The following ARHGAP24 variants were observed in gnomAD, a reference collection of about 807,000 sequenced individuals.
ARHGAP24 encodes the protein rho GTPase-activating protein 24.
ARHGAP24 carries 50 observed loss-of-function variants against 76.4 expected under a neutral mutation model. The ratio of observed to expected loss-of-function variants is 0.65; its 90% CI spans 0.52 to 0.83. The LOEUF is 0.83. Among genes scored for constraint, ARHGAP24 ranks in the 40% least tolerant of loss-of-function variants. The probability of loss-of-function intolerance (pLI) is 0.00; values close to 1 mark genes in which losing one functional copy is unlikely to be tolerated. For synonymous variants in ARHGAP24, 345 were observed against 323.3 expected, an observed-to-expected ratio of 1.07 and a Z score of -0.72; for missense variants, 930 against 914.2, an observed-to-expected ratio of 1.02 and a Z score of -0.22.
intron 4 of ARHGAP24, among the ~76,000 whole-genome samples, chr4:85,934,940 CAT>C (rs1435042272): frequency 6.6e-6 from 1 of 152,184 alleles, no homozygotes; most frequent in Non-Finnish European, 1.5e-5. Flanking sequence ...CACACACACA[CAT>C]ATTCATTCCC....
intron 1 of ARHGAP24, among the ~76,000 whole-genome samples, chr4:85,487,853 T>A (rs540810903): frequency 5.7e-5 from 7 of 123,668 alleles, no homozygotes; most frequent in Non-Finnish European, 1.1e-4. Context: ...AATATATATT[T>A]ATTATATATA....
intron 1 of ARHGAP24, among the ~76,000 whole-genome samples, chr4:85,546,373 A>G (rs1256730132): frequency 6.6e-6 from 1 of 152,144 alleles, no homozygotes; most frequent in Non-Finnish European, 1.5e-5. Context: ...TTAAATAAAG[A>G]GAATTGAGAA....
intron 2 of ARHGAP24, among the ~76,000 whole-genome samples, chr4:85,664,197 T>C (rs1214379748): frequency 1.3e-5 from 2 of 151,672 alleles, no homozygotes; most frequent in Middle Eastern, 6.8e-3. Flanking sequence ...GAGCCTGTTA[T>C]TGGTCTATTC....
At chr4:85,513,546 A>C (rs1293687341) in intron 1 of ARHGAP24, among the ~76,000 whole-genome samples, 1 of 142,906 alleles carries the variant, frequency 7.0e-6, no homozygotes, top group African/African-American at 2.9e-5. Context: ...ACTTAGAATG[A>C]TTGCCTTTTT....
chr4:85,685,804 C>A (rs753570752), intron 2 of ARHGAP24, among the ~76,000 whole-genome samples: 6 of 152,154 alleles, frequency 3.9e-5, no homozygotes, highest in Non-Finnish European at 8.8e-5. Flanking sequence ...CAAAACTCAG[C>A]GGTTTAAAAC....
chr4:85,947,636 T>C lies in ARHGAP24; in HGVS notation c.599+5363T>C, dbSNP rs182044884. Among the ~76,000 whole-genome samples the C allele has an allele frequency of 1.9e-4, 29 of 152,320 alleles. No homozygotes were observed. In the East Asian group the frequency reaches 3.3e-3, roughly 17 times the overall value. On this transcript the variant is annotated intron_variant, in intron 5 of 9. Coordinates refer to ENST00000395184, the MANE Select transcript of ARHGAP24 (RefSeq NM_001025616.3). ...CACATGGTGAGTATGCAAACGGTCG[T>C]AGTCTTTTTAAAGCAATTTGGTAAT... is the stretch of plus-strand genomic sequence containing the variant.
chr4:85,625,174 T>G (rs560783207), intron 2 of ARHGAP24, among the ~76,000 whole-genome samples: 2 of 152,298 alleles, frequency 1.3e-5, no homozygotes, highest in East Asian at 1.9e-4. Flanking sequence ...AGGGTGTCAG[T>G]TTTAGATCTT....
chr4:85,943,870 T>C (rs1737093368), intron 5 of ARHGAP24, among the ~76,000 whole-genome samples: 1 of 151,792 alleles, frequency 6.6e-6, no homozygotes, highest in South Asian at 2.1e-4. Flanking sequence ...TGATGGGCAT[T>C]TGGGTTGGTT....
chr4:85,764,380 C>T (rs182674358), intron 3 of ARHGAP24, among the ~76,000 whole-genome samples: 153 of 152,252 alleles, frequency 1.0e-3, no homozygotes, highest in African/African-American at 3.5e-3. Flanking sequence ...GAATACTAAA[C>T]AATCAATAAA....
chr4:85,859,590 T>C (rs555402656), intron 3 of ARHGAP24, among the ~76,000 whole-genome samples: 6 of 152,260 alleles, frequency 3.9e-5, no homozygotes, highest in Non-Finnish European at 7.4e-5. Context: ...ATGATTTTAA[T>C]GTGATATTTA....
intron 2 of ARHGAP24, among the ~76,000 whole-genome samples, chr4:85,595,791 C>T (rs1719806872): frequency 6.6e-6 from 1 of 152,048 alleles, no homozygotes; most frequent in African/African-American, 2.4e-5. Flanking sequence ...ACTATATTCA[C>T]TTCCTAAGGA....
At chr4:85,689,486 A>C (rs1723552014) in intron 2 of ARHGAP24, among the ~76,000 whole-genome samples, 1 of 152,124 alleles carries the variant, frequency 6.6e-6, no homozygotes, top group African/African-American at 2.4e-5. Flanking sequence ...TCCTGGGTTC[A>C]AGTGATTATT....
intron 3 of ARHGAP24, among the ~76,000 whole-genome samples, chr4:85,832,158 G>A (rs1316489048): frequency 6.6e-6 from 1 of 152,196 alleles, no homozygotes; most frequent in East Asian, 1.9e-4. Context: ...AGAGCCTTTT[G>A]TGTTTTCCGT....
At chr4:85,841,388 C>T (rs1730589108) in intron 3 of ARHGAP24, among the ~76,000 whole-genome samples, 1 of 152,162 alleles carries the variant, frequency 6.6e-6, no homozygotes, top group South Asian at 2.1e-4. Context: ...GTTCCAACTC[C>T]ATTCTAAACT....
chr4:85,663,417 G>A (rs1004895867), intron 2 of ARHGAP24, among the ~76,000 whole-genome samples: 5 of 146,844 alleles, frequency 3.4e-5, no homozygotes, highest in African/African-American at 1.3e-4. Context: ...GGAGATTGTG[G>A]GCTGAGACAA....
At chr4:85,617,636 A>G (rs914495643) in intron 2 of ARHGAP24, among the ~76,000 whole-genome samples, 7 of 152,224 alleles carry the variant, frequency 4.6e-5, no homozygotes, top group African/African-American at 1.7e-4. Flanking sequence ...GTCCCTATTG[A>G]TGGGGATTTA....
At chr4:85,957,966 G>A (rs1335579242) in intron 5 of ARHGAP24, among the ~76,000 whole-genome samples, 2 of 152,168 alleles carry the variant, frequency 1.3e-5, no homozygotes, top group Non-Finnish European at 2.9e-5. Flanking sequence ...TATCTTTGCA[G>A]AATTTTGGCT....
chr4:85,664,979 A>C (rs1393971072), intron 2 of ARHGAP24, among the ~76,000 whole-genome samples: 2 of 152,182 alleles, frequency 1.3e-5, no homozygotes, highest in African/African-American at 4.8e-5. Flanking sequence ...CTGAAAAAAA[A>C]CATATATTCT....
intron 2 of ARHGAP24, among the ~76,000 whole-genome samples, chr4:85,659,628 C>G (rs191985185): frequency 2.0e-5 from 3 of 152,268 alleles, no homozygotes; most frequent in Admixed American, 2.0e-4. Flanking sequence ...AGAAAATTAT[C>G]TCCCTTCATT....
Sources: gnomAD v4.1 joint callset for allele counts (sites outside exome capture counted in the v4.1 genomes callset) on GRCh38, gnomAD v4.1.1 for gene constraint, MANE v1.5 for transcripts, NCBI Gene and HGNC (gene_info 2026-07-23, HGNC 2026-07-21) for gene names.